Variants in PDE10A observed in about 807,000 individuals in gnomAD.
The protein encoded by PDE10A is cAMP and cAMP-inhibited cGMP 3',5'-cyclic phosphodiesterase 10A.
In PDE10A, 39 loss-of-function variants were observed where a neutral mutation model predicts 97.7. The ratio of observed to expected loss-of-function variants is 0.40; its 90% CI spans 0.31 to 0.52. PDE10A has a LOEUF of 0.52. PDE10A is among the 20% of genes least tolerant of loss of function. The pLI, the probability that PDE10A is intolerant of heterozygous loss-of-function variation, is 0.56. For missense variants in PDE10A, 731 were observed against 1,047.8 expected (o/e 0.70, Z 4.17); for synonymous variants, 371 against 376.8 (o/e 0.98, Z 0.18).
chr6:165,942,186 ACAGCCACGCTGAG>A (rs950500816), intron 1 of PDE10A, among the ~76,000 whole-genome samples: 2 of 152,118 alleles, frequency 1.3e-5, no homozygotes, highest in African/African-American at 4.8e-5. Flanking sequence ...AGGGCTGCCA[ACAGCCACGCTGAG>A]CAGCCACGCT....
intron 21 of PDE10A, 37 bp from the exon 22 acceptor site, chr6:165,333,164 T>C: frequency 1.6e-6 from 2 of 1,260,350 alleles, no homozygotes; most frequent in Non-Finnish European, 2.3e-6. Flanking sequence ...AGAAGCTGAA[T>C]AAAGGATTTC....
intron 1 of PDE10A, among the ~76,000 whole-genome samples, chr6:165,612,831 T>C (rs908479854): frequency 2.2e-4 from 34 of 152,230 alleles, no homozygotes; most frequent in Non-Finnish European, 2.1e-4. Context: ...CTTGAGTAAC[T>C]ATAAACCTAT....
intron 10 of PDE10A, among the ~76,000 whole-genome samples, chr6:165,427,264 C>G (rs1789234020): frequency 6.6e-6 from 1 of 152,072 alleles, no homozygotes; most frequent in Admixed American, 6.6e-5. Context: ...CGTATATCCA[C>G]AAAATGGAAT....
chr6:165,607,785 G>C (rs781303512), intron 1 of PDE10A, among the ~76,000 whole-genome samples: 1 of 152,078 alleles, frequency 6.6e-6, no homozygotes, highest in Non-Finnish European at 1.5e-5. Flanking sequence ...GTGTTTAACA[G>C]CATCAACTTT....
At position 165,430,263 on chromosome 6, in the gene PDE10A, C is replaced by T. The variant is rs756375415; in HGVS notation, c.1601+24G>A. 9.6e-6 allele frequency: 15 copies of T among 1,563,238 alleles called. No homozygotes were observed. In the African/African-American group the frequency reaches 1.8e-4, roughly 18 times the overall value. On this transcript the variant is annotated intron_variant, in intron 9 of 21. Transcript: ENST00000539869. ...TTAAACCATTGATTAATAAGAGCTA[C>T]TATCCCTAGAAATGAACACTTACTT...
chr6:165,869,364 C>T (rs1002480898), intron 1 of PDE10A, among the ~76,000 whole-genome samples: 1 of 147,190 alleles, frequency 6.8e-6, no homozygotes, highest in South Asian at 2.2e-4. Context: ...AAAAAAAAAA[C>T]TCTTCCTAGG....
chr6:165,537,704 A>G (rs1216340609), intron 2 of PDE10A, among the ~76,000 whole-genome samples: 1 of 151,990 alleles, frequency 6.6e-6, no homozygotes, highest in African/African-American at 2.4e-5. Context: ...TCTAGTCACC[A>G]GATGGTGGAC....
At chr6:165,983,192 G>A (rs1010411410) in intron 1 of PDE10A, among the ~76,000 whole-genome samples, 1 of 152,172 alleles carries the variant, frequency 6.6e-6, no homozygotes, top group Non-Finnish European at 1.5e-5. Context: ...AAATTAAGCA[G>A]GCCGGATCTA....
At chr6:165,479,487 G>T (rs1779480088) in intron 3 of PDE10A, among the ~76,000 whole-genome samples, 1 of 152,102 alleles carries the variant, frequency 6.6e-6, no homozygotes, top group African/African-American at 2.4e-5. Context: ...TTTCACTTAT[G>T]AAATTAACCT....
intron 1 of PDE10A, among the ~76,000 whole-genome samples, chr6:165,733,685 A>G (rs1302194928): frequency 6.6e-6 from 1 of 152,216 alleles, no homozygotes; most frequent in African/African-American, 2.4e-5. Flanking sequence ...GGATTATTAA[A>G]ACACCCAGTT....
intron 13 of PDE10A, among the ~76,000 whole-genome samples, chr6:165,400,821 TCAA>T (rs1443557226): frequency 1.3e-5 from 2 of 152,226 alleles, no homozygotes; most frequent in South Asian, 2.1e-4. Context: ...CAAAAATCTA[TCAA>T]CAAGTAAATA....
At chr6:165,443,605 G>A (rs1023681140) in intron 5 of PDE10A, among the ~76,000 whole-genome samples, 14 of 152,250 alleles carry the variant, frequency 9.2e-5, no homozygotes, top group African/African-American at 3.4e-4. Context: ...GGGACTCTGT[G>A]TGGGGGACCA....
At chr6:165,762,919 G>C (rs1793286138) in intron 1 of PDE10A, among the ~76,000 whole-genome samples, 1 of 151,442 alleles carries the variant, frequency 6.6e-6, no homozygotes, top group Admixed American at 6.6e-5. Flanking sequence ...ATAGAGAATA[G>C]GAGGAAGAAA....
chr6:165,350,497 G>A (rs1309078003), intron 18 of PDE10A, among the ~76,000 whole-genome samples: 1 of 152,142 alleles, frequency 6.6e-6, no homozygotes, highest in East Asian at 1.9e-4. Context: ...TGTATCAGAT[G>A]AGACTTTGGA....
chr6:165,543,436 T>C lies in PDE10A; in HGVS notation c.994+4A>G. 1.2e-6 allele frequency: 2 copies of C among 1,611,078 alleles called. No homozygotes were observed. Among genetic ancestry groups the C allele is most frequent in the Non-Finnish European group, 8.5e-7 (1 of 1,179,012 alleles). ...TTTAAAATGAGATCCACAAGAGACC[T>C]TACCTTCTGATTTGTTGTTCTTCCT... On this transcript the variant is annotated splice_donor_region_variant and intron_variant, in intron 2 of 21. Transcript: ENST00000539869.
chr6:165,862,256 A>T (rs1283933404), intron 1 of PDE10A, among the ~76,000 whole-genome samples: 1 of 152,242 alleles, frequency 6.6e-6, no homozygotes, highest in Non-Finnish European at 1.5e-5. Flanking sequence ...CCTTGTAAAT[A>T]TGTTGTAAGT....
intron 1 of PDE10A, among the ~76,000 whole-genome samples, chr6:165,755,554 G>T (rs73030249): frequency 0.14 from 20,687 of 152,114 alleles, 2,121 homozygotes; most frequent in African/African-American, 0.28. Context: ...TCAAATAAGC[G>T]TCAAAGCTGT....
chr6:165,764,714 C>T (rs957090214), intron 1 of PDE10A, among the ~76,000 whole-genome samples: 9 of 152,162 alleles, frequency 5.9e-5, no homozygotes, highest in African/African-American at 1.7e-4. Flanking sequence ...CAGACCTTCC[C>T]GGTGAGTGTT....
chr6:165,893,806 C>T (rs924273829), intron 1 of PDE10A, among the ~76,000 whole-genome samples: 8 of 149,780 alleles, frequency 5.3e-5, no homozygotes, highest in Non-Finnish European at 8.9e-5. Flanking sequence ...GGGTTTGAAT[C>T]GCAACAACAT....
Sources: allele counts gnomAD v4.1 joint callset (sites outside exome capture counted in the v4.1 genomes callset), GRCh38; gene constraint gnomAD v4.1.1; transcripts MANE v1.5; gene names NCBI Gene and HGNC (gene_info 2026-07-23, HGNC 2026-07-21).